Variants in ESRRG observed in about 807,000 individuals in gnomAD.
ESRRG encodes estrogen related receptor gamma.
ESRRG carries 13 observed loss-of-function variants against 44.0 expected under a neutral mutation model. The observed-to-expected ratio is 0.30, with a 90% confidence interval of 0.19 to 0.47. The LOEUF (loss-of-function observed/expected upper bound fraction) is 0.47. ESRRG is among the 20% of genes least tolerant of loss of function. The pLI is 1.00. For missense variants in ESRRG, 395 were observed against 580.6 expected, an observed-to-expected ratio of 0.68 and a Z score of 3.29; for synonymous variants, 215 against 214.6, an observed-to-expected ratio of 1.00 and a Z score of -0.02.
At chr1:216,658,690 A>T (rs1044533532) in intron 2 of ESRRG, among the ~76,000 whole-genome samples, 5 of 148,162 alleles carry the variant, frequency 3.4e-5, no homozygotes, top group Middle Eastern at 3.5e-3. Context: ...AAAAATAGCC[A>T]GGCATGGTTG....
At chr1:216,538,134 CT>C (rs1227908202) in intron 5 of ESRRG, among the ~76,000 whole-genome samples, 1 of 151,972 alleles carries the variant, frequency 6.6e-6, no homozygotes, top group Non-Finnish European at 1.5e-5. Flanking sequence ...CTACTTGGCC[CT>C]ATTTCTATTA....
At chr1:216,764,878 A>T (rs1330172961) in intron 2 of ESRRG, among the ~76,000 whole-genome samples, 1 of 151,998 alleles carries the variant, frequency 6.6e-6, no homozygotes, top group Non-Finnish European at 1.5e-5. Context: ...CAGTGGAACT[A>T]GTCCACAAGG....
intron 2 of ESRRG, among the ~76,000 whole-genome samples, chr1:216,737,455 A>C (rs1187725548): frequency 1.3e-5 from 2 of 152,186 alleles, no homozygotes; most frequent in Non-Finnish European, 2.9e-5. Context: ...CAACCTTTGA[A>C]AAATTCCAAT....
At chr1:216,915,464 G>C (rs1383092591) in intron 2 of ESRRG, among the ~76,000 whole-genome samples, 1 of 151,990 alleles carries the variant, frequency 6.6e-6, no homozygotes, top group Admixed American at 6.6e-5. Flanking sequence ...AAGGGAGAAG[G>C]TGCTCTTTCA....
At chr1:217,087,227 A>G (rs1003693368) in intron 1 of ESRRG, among the ~76,000 whole-genome samples, 2 of 152,200 alleles carry the variant, frequency 1.3e-5, no homozygotes, top group African/African-American at 4.8e-5. Flanking sequence ...GAACAGCCCC[A>G]GATATTCCTC....
At chr1:217,133,649 T>TTCTTTCTTTCTTTCTG (rs2093003212) in intron 1 of ESRRG, among the ~76,000 whole-genome samples, 1 of 33,816 alleles carries the variant, frequency 3.0e-5, no homozygotes. Context: ...CTCTCTCTCT[T>TTCTTTCTTTCTTTCTG]TCTTTCTTTC....
intron 1 of ESRRG, among the ~76,000 whole-genome samples, chr1:217,081,834 T>A (rs830327): frequency 0.96 from 145,743 of 152,344 alleles, 70,035 homozygotes; most frequent in East Asian, 1. Flanking sequence ...CTACCAAACA[T>A]TGATTCCTCC....
intron 2 of ESRRG, among the ~76,000 whole-genome samples, chr1:216,796,128 C>G (rs1250090527): frequency 6.6e-6 from 1 of 152,140 alleles, no homozygotes; most frequent in African/African-American, 2.4e-5. Flanking sequence ...TCCCTATTTT[C>G]TCTTTGTAAA....
intron 1 of ESRRG, among the ~76,000 whole-genome samples, chr1:216,950,220 G>A (rs1430357732): frequency 6.6e-6 from 1 of 152,154 alleles, no homozygotes; most frequent in African/African-American, 2.4e-5. Flanking sequence ...GTGGTTTCTG[G>A]CCCATAATTG....
At chr1:216,676,293 T>C (rs1401758349) in intron 2 of ESRRG, among the ~76,000 whole-genome samples, 2 of 152,142 alleles carry the variant, frequency 1.3e-5, no homozygotes, top group Non-Finnish European at 2.9e-5. Flanking sequence ...ATGGCGGAAA[T>C]AATGTTATTT....
At chr1:216,650,837 G>A in intron 3 of ESRRG, 136 bp downstream of exon 3, 1 of 691,968 alleles carries the variant, frequency 1.4e-6, no homozygotes. Context: ...CAGGTATAAA[G>A]GAGTATTCTG....
chr1:216,803,933 A>T (rs901785324), intron 2 of ESRRG, among the ~76,000 whole-genome samples: 1 of 152,040 alleles, frequency 6.6e-6, no homozygotes, highest in Non-Finnish European at 1.5e-5. Context: ...CTCACATTAA[A>T]CAAGTAACTG....
chr1:217,133,643 CTCTCTTTCTTTCTTTCTTTCTTTCTT>C (rs1314195932), intron 1 of ESRRG, among the ~76,000 whole-genome samples: 1 of 52,636 alleles, frequency 1.9e-5, no homozygotes, highest in Non-Finnish European at 4.1e-5. Flanking sequence ...CTCTCTCTCT[CTCTCTTTCTTTCTTTCTTTCTTTCTT>C]TCTTTCTTTC....
intron 2 of ESRRG, chr1:216,855,016 T>A (rs1454450256): frequency 1.3e-5 from 2 of 152,182 alleles, no homozygotes; most frequent in East Asian, 3.9e-4. Flanking sequence ...AAAATGCCCG[T>A]GGACCAACAG....
At chr1:216,517,315 T>C (rs576083413) in intron 6 of ESRRG, among the ~76,000 whole-genome samples, 8 of 152,252 alleles carry the variant, frequency 5.3e-5, no homozygotes, top group African/African-American at 1.9e-4. Flanking sequence ...GATTAGGACG[T>C]TTATCTATCA....
At chr1:216,898,629 A>T (rs11117719) in intron 2 of ESRRG, among the ~76,000 whole-genome samples, 72,887 of 151,848 alleles carry the variant, frequency 0.48, 18,564 homozygotes, top group East Asian at 0.79. Context: ...AAAAATAAAT[A>T]AATTAATTAA....
intron 2 of ESRRG, among the ~76,000 whole-genome samples, chr1:216,839,543 C>G (rs1033328345): frequency 1.3e-5 from 2 of 152,162 alleles, no homozygotes; most frequent in Non-Finnish European, 2.9e-5. Context: ...ATCACTATGA[C>G]AGCTATAGCA....
At chr1:216,793,119 C>T (rs752852272) in intron 2 of ESRRG, among the ~76,000 whole-genome samples, 2 of 152,102 alleles carry the variant, frequency 1.3e-5, no homozygotes, top group African/African-American at 2.4e-5. Context: ...TTTTACTGCC[C>T]TTTTGGTCCC....
chr1:216,708,629 G>C (rs2151945806), intron 1 of ESRRG, among the ~76,000 whole-genome samples: 1 of 152,336 alleles, frequency 6.6e-6, no homozygotes, highest in African/African-American at 2.4e-5. Context: ...GTGTAAATTA[G>C]TTCAACCACT....
Sources: allele counts gnomAD v4.1 joint callset (sites outside exome capture counted in the v4.1 genomes callset), GRCh38; gene constraint gnomAD v4.1.1; transcripts MANE v1.5; gene names NCBI Gene and HGNC (gene_info 2026-07-23, HGNC 2026-07-21).